Variants in SDCCAG8 observed in about 807,000 individuals in gnomAD.
SDCCAG8 encodes SHH signaling and ciliogenesis regulator SDCCAG8.
SDCCAG8 carries 74 observed loss-of-function variants against 101.8 expected under a neutral mutation model. The ratio of observed to expected loss-of-function variants is 0.73; its 90% confidence interval spans 0.60 to 0.88. The LOEUF (loss-of-function observed/expected upper bound fraction) is 0.88. Ranked by LOEUF, SDCCAG8 falls within the 40% of genes least tolerant of loss-of-function variation. SDCCAG8 has a pLI of 0.00. For synonymous variants in SDCCAG8, 281 were observed against 292.9 expected (o/e 0.96, Z 0.41); for missense variants, 787 against 822.6 (o/e 0.96, Z 0.53).
intron 9 of SDCCAG8, among the ~76,000 whole-genome samples, chr1:243,323,263 C>T (rs1195174005): frequency 6.6e-6 from 1 of 152,002 alleles, no homozygotes; most frequent in Non-Finnish European, 1.5e-5. Flanking sequence ...TCAGGAACTC[C>T]ACTTTCCTCA....
chr1:243,432,404 G>C (rs1299892897), intron 16 of SDCCAG8, among the ~76,000 whole-genome samples: 1 of 152,142 alleles, frequency 6.6e-6, no homozygotes. Context: ...AGAAGGGAGA[G>C]GATCAGGACA....
intron 17 of SDCCAG8, among the ~76,000 whole-genome samples, chr1:243,496,075 A>C (rs1193404782): frequency 6.6e-6 from 1 of 152,260 alleles, no homozygotes; most frequent in Non-Finnish European, 1.5e-5. Context: ...ACAGATGATT[A>C]TGAAACCAAC....
rs774505034 is a variant in SDCCAG8 at position 243,340,022 on chromosome 1, A to G, written c.1222-1017A>G. 1.2e-4 allele frequency among the ~76,000 whole-genome samples: 19 copies of G among 152,252 alleles called. 1 individual carries two copies. Among genetic ancestry groups the G allele is most frequent in the Non-Finnish European group, 2.5e-4 (17 of 68,038 alleles). On this transcript the variant is annotated intron_variant, in intron 10 of 17. Transcript: ENST00000366541. ...AAAACATAATTGGAAACCAGAAACTATAAAGGATAAATCTAAGATCTAGAA... is the reference window on the plus strand; with the variant it reads ...AAAACATAATTGGAAACCAGAAACTGTAAAGGATAAATCTAAGATCTAGAA...
At chr1:243,427,643 T>G (rs2081429685) in intron 16 of SDCCAG8, among the ~76,000 whole-genome samples, 1 of 152,110 alleles carries the variant, frequency 6.6e-6, no homozygotes, top group African/African-American at 2.4e-5. Context: ...ATTTATAGAC[T>G]CCTTGTATTT....
In SDCCAG8 at chr1:243,308,032, G is replaced by T. The variant is rs149038104; in HGVS notation, c.784G>T (p.Glu262Ter). Residue 262 changes from glutamate (E) to a stop codon, truncating the protein, a stop_gained, in exon 8 of 18, where the codon GAG (glutamate) becomes TAG (stop). Transcript: ENST00000366541. LOFTEE classifies it high-confidence loss of function. ...EYQRTCEDLK[E>*]QLKHKEFLLA... is the part of the protein sequence containing the mutation. ...TCAGAGAACTTGTGAAGATCTTAAA[G>T]AGCAACTAAAGCATAAAGAATTTCT... 6.8e-6 allele frequency: 11 copies of T among 1,614,122 alleles called. No individual in the cohort carries two copies. The highest frequency in any genetic ancestry group is 8.5e-6 in the Non-Finnish European group (10 of 1,180,006).
intron 13 of SDCCAG8, among the ~76,000 whole-genome samples, chr1:243,394,192 T>C (rs992878757): frequency 6.6e-6 from 1 of 152,220 alleles, no homozygotes; most frequent in Non-Finnish European, 1.5e-5. Flanking sequence ...TTATTCATTT[T>C]GGAGGGGGAG....
chr1:243,273,679 G>A (rs1306106833), intron 3 of SDCCAG8, among the ~76,000 whole-genome samples: 3 of 152,144 alleles, frequency 2.0e-5, no homozygotes, highest in African/African-American at 4.8e-5. Flanking sequence ...GGCATCAAAC[G>A]CTTCCTAAAG....
At chr1:243,287,904 G>T (rs527592256) in intron 5 of SDCCAG8, among the ~76,000 whole-genome samples, 2 of 152,286 alleles carry the variant, frequency 1.3e-5, no homozygotes, top group African/African-American at 4.8e-5. Flanking sequence ...TGCAAAAGGG[G>T]AAGGAAATGA....
At chr1:243,307,891 C>T in intron 7 of SDCCAG8, 98 bp from the exon 8 acceptor site, 2 of 1,586,776 alleles carry the variant, frequency 1.3e-6, no homozygotes, top group Non-Finnish European at 1.7e-6. Context: ...AAGGTGAGTA[C>T]CCATAAACGA....
intron 16 of SDCCAG8, among the ~76,000 whole-genome samples, chr1:243,432,659 CAT>C (rs2081870928): frequency 6.6e-6 from 1 of 152,130 alleles, no homozygotes; most frequent in South Asian, 2.1e-4. Context: ...GATTTTATAA[CAT>C]GGGTTTAATT....
intron 16 of SDCCAG8, among the ~76,000 whole-genome samples, chr1:243,479,380 T>C (rs917107119): frequency 3.3e-5 from 5 of 152,202 alleles, no homozygotes; most frequent in Non-Finnish European, 7.3e-5. Context: ...GTAGGCTCCA[T>C]GGCCATATGT....
chr1:243,297,304 A>G (rs1331662021), intron 6 of SDCCAG8, among the ~76,000 whole-genome samples: 1 of 152,152 alleles, frequency 6.6e-6, no homozygotes, highest in Non-Finnish European at 1.5e-5. Flanking sequence ...CTGCTATATG[A>G]ACATATGACT....
chr1:243,258,192 TA>T (rs5782261), intron 1 of SDCCAG8, among the ~76,000 whole-genome samples: 87 of 151,242 alleles, frequency 5.8e-4, no homozygotes, highest in Middle Eastern at 3.4e-3. Context: ...TTAAACAACT[TA>T]AAAAAAAACG....
chr1:243,286,202 G>A lies in SDCCAG8; in HGVS notation c.421-70G>A, dbSNP rs1334182689. ...TCTTCCGTACTTTATATCATGCTGT[G>A]CCCTCTAATAATCAACAAATAAAAA... is the stretch of plus-strand genomic sequence containing the variant. On this transcript the variant is annotated intron_variant, in intron 4 of 17. Coordinates refer to ENST00000366541, the MANE Select transcript of SDCCAG8 (RefSeq NM_006642.5). 4.9e-6 allele frequency: 7 copies of A among 1,428,622 alleles called. No homozygotes were observed. In the African/African-American group the frequency reaches 9.9e-5, roughly 20 times the overall value. 88.5% of individuals were successfully genotyped at this position (1,428,622 alleles called of 1,614,324 possible).
At chr1:243,480,365 T>G (rs1224594834) in intron 16 of SDCCAG8, among the ~76,000 whole-genome samples, 5 of 43,946 alleles carry the variant, frequency 1.1e-4, no homozygotes, top group Non-Finnish European at 1.7e-4. Context: ...GTGGGTGGGA[T>G]GGATGGATGG....
chr1:243,458,296 A>C lies in SDCCAG8; in HGVS notation c.1986-30718A>C, dbSNP rs190725745. Among the ~76,000 whole-genome samples the C allele has an allele frequency of 6.6e-6, 1 of 152,212 alleles. No individual in the cohort carries two copies. Among genetic ancestry groups the C allele is most frequent in the African/African-American group, 2.4e-5 (1 of 41,522 alleles). ...CCCTGTCCTTGATTCCCTAATTTCC[A>C]CAGTTTGACAGCACCGAATGTTGTG... On this transcript the variant is annotated intron_variant, in intron 16 of 17. Transcript: ENST00000366541. This position sits in a 1 kb window ranked among gnomAD's most constrained non-coding sequence, Gnocchi z 4.5.
intron 13 of SDCCAG8, among the ~76,000 whole-genome samples, chr1:243,380,534 T>C (rs2147910824): frequency 6.6e-6 from 1 of 152,322 alleles, no homozygotes; most frequent in African/African-American, 2.4e-5. Context: ...GTAGAGAGTT[T>C]TCCCGTATAG....
At chr1:243,283,866 G>T (rs917716886) in intron 4 of SDCCAG8, among the ~76,000 whole-genome samples, 1 of 151,864 alleles carries the variant, frequency 6.6e-6, no homozygotes, top group Non-Finnish European at 1.5e-5. Context: ...TCAGCCTCCC[G>T]AGTGGCTGGG....
intron 16 of SDCCAG8, among the ~76,000 whole-genome samples, chr1:243,435,255 T>C (rs577988779): frequency 6.6e-6 from 1 of 152,356 alleles, no homozygotes; most frequent in African/African-American, 2.4e-5. Context: ...CTCAGTTTAC[T>C]TCTTTGTAGC....
Sources: allele counts gnomAD v4.1 joint callset (sites outside exome capture counted in the v4.1 genomes callset), GRCh38; gene constraint gnomAD v4.1.1; non-coding constraint Gnocchi (gnomAD v3.1); transcripts MANE v1.5; gene names NCBI Gene and HGNC (gene_info 2026-07-23, HGNC 2026-07-21).